Variants in UBTF observed in about 807,000 individuals in gnomAD.
UBTF encodes nucleolar transcription factor 1.
UBTF carries 8 observed loss-of-function variants against 112.3 expected under a neutral mutation model. That is an observed-to-expected ratio of 0.07 (90% CI 0.04 to 0.13). The LOEUF (loss-of-function observed/expected upper bound fraction) is 0.13, where lower values mean the gene tolerates loss of function less well. Ranked by LOEUF, UBTF falls within the 10% of genes least tolerant of loss-of-function variation. The pLI is 1.00. For synonymous variants in UBTF, 417 were observed against 373.1 expected (o/e 1.12, Z -1.36); for missense variants, 457 against 982.1 (o/e 0.47, Z 7.15).
At chr17:44,216,026 A>G in intron 3 of UBTF, 37 bp from the exon 4 acceptor site, 2 of 1,556,780 alleles carry the variant, frequency 1.3e-6, no homozygotes, top group Non-Finnish European at 1.8e-6. Context: ...GGAAGTTGGG[A>G]AAAGGAAAAT....
In UBTF at chr17:44,211,751, T is replaced by A. The variant is rs933765136; in HGVS notation, c.906-4A>T. ...GCAGTACAGCGAGTAGCTGTTCCTA[T>A]CAGAGCCGCGGGGAGAGAGGTGCAG... is the stretch of plus-strand genomic sequence containing the variant. On this transcript the variant is annotated splice_polypyrimidine_tract_variant and splice_region_variant and intron_variant, in intron 9 of 20. Coordinates refer to ENST00000436088, the MANE Select transcript of UBTF (RefSeq NM_014233.4). This position sits in a 1 kb window ranked among gnomAD's most constrained non-coding sequence, Gnocchi z 4.9. 1 of 1,604,980 alleles carries A rather than the reference T, an allele frequency of 6.2e-7. No homozygotes were observed. Among genetic ancestry groups the A allele is most frequent in the Non-Finnish European group, 8.5e-7 (1 of 1,178,534 alleles).
At position 44,211,391 on chromosome 17, in the gene UBTF, T is replaced by A. The variant is rs1179461082; in HGVS notation, c.1048-60A>T. On this transcript the variant is annotated intron_variant, in intron 10 of 20. Coordinates refer to ENST00000436088, the MANE Select transcript of UBTF (RefSeq NM_014233.4). The surrounding 1 kb of genome is among the most constrained non-coding windows in gnomAD (Gnocchi z 4.9). ...GACAGTGTCACCACAGACCCTGCAG[T>A]ACTCGGAGGACAGTGACCTTCAGCG... 1.2e-6 allele frequency: 2 copies of A among 1,604,514 alleles called. No individual in the cohort carries two copies. Among genetic ancestry groups the A allele is most frequent in the Non-Finnish European group, 1.7e-6 (2 of 1,173,114 alleles).
chr17:44,219,208 C>A (rs2047032818), intron 1 of UBTF: 1 of 151,284 alleles, frequency 6.6e-6, no homozygotes, highest in African/African-American at 2.4e-5. Flanking sequence ...GAGAACTGCG[C>A]CTGCCGGCTC....
In UBTF at chr17:44,207,497, G is replaced by T. The variant is rs765531161; in HGVS notation, c.2126C>A (p.Ser709Tyr). 4 of 1,613,938 alleles carry T rather than the reference G, an allele frequency of 2.5e-6. No homozygotes were observed. In the Admixed American group the frequency reaches 6.7e-5, roughly 27 times the overall value. ...CTCGTCCTCGCTGCTGGACTCAGAG[G>T]AGTCGCCGCCATCTTCAGAGGAGTC... ...NGDSSEDGGDSSESSSEDESE... is the reference protein window; with the variant it reads ...NGDSSEDGGDYSESSSEDESE... Residue 709 changes from serine (S) to tyrosine (Y), a missense_variant, in exon 20 of 21, where the codon TCC becomes TAC. Ser to Tyr is a moderately radical substitution (Grantham distance 144, BLOSUM62 -2). Transcript: ENST00000436088.
At chr17:44,208,023 T>A (rs2056379752) in intron 17 of UBTF, 112 bp from the exon 18 acceptor site, 13 of 1,362,106 alleles carry the variant, frequency 9.5e-6, no homozygotes, top group Non-Finnish European at 1.3e-5. Flanking sequence ...CACCCCATCT[T>A]ACCCCTCCCA....
chr17:44,218,200 G>A lies in UBTF; in HGVS notation c.30C>T (p.Asp10=). The stretch of plus-strand genomic sequence containing the variant: ...GGCCTTTGGGGGCGGCCATTTCCAG[G>A]TCTGTGGGGCAGTCGGCTTCTCCGT... The part of the protein sequence containing the change: MNGEADCPT[D]LEMAAPKGQD... The change falls in exon 2 of 21, where the codon GAC becomes GAT. Residue 10 remains aspartate (D), a synonymous_variant. Coordinates refer to ENST00000436088, the MANE Select transcript of UBTF (RefSeq NM_014233.4). The A allele has an allele frequency of 1.9e-6, 3 of 1,612,652 alleles. No individual in the cohort carries two copies. Among genetic ancestry groups the A allele is most frequent in the East Asian group, 2.2e-5 (1 of 44,826 alleles).
rs1416981228 is a variant in UBTF, at chr17:44,218,256, G to A, written c.-27C>T. 4 of 1,611,146 alleles carry A rather than the reference G, an allele frequency of 2.5e-6. No individual in the cohort carries two copies. The highest frequency in any genetic ancestry group is 1.1e-5 in the South Asian group (1 of 90,996). Reference sequence around the variant, plus strand: ...CTCCAGCTGTCCAGCCACCTCCTCGGTCGTGCTGGCCGGGCAACCCGGGGT... The same window carrying A: ...CTCCAGCTGTCCAGCCACCTCCTCGATCGTGCTGGCCGGGCAACCCGGGGT... On this transcript the variant is annotated 5_prime_UTR_variant, in exon 2 of 21. Transcript: ENST00000436088.
intron 5 of UBTF, among the ~76,000 whole-genome samples, chr17:44,214,261 A>G (rs566239870): frequency 6.6e-6 from 1 of 152,334 alleles, no homozygotes; most frequent in East Asian, 1.9e-4. Flanking sequence ...ACAGAAAACC[A>G]GAAGCAGAGC....
rs924357379 is a variant in UBTF, at chr17:44,205,278, C to T, written c.*1964G>A. 2 of 152,618 alleles carry T rather than the reference C, an allele frequency of 1.3e-5. No homozygotes were observed. The highest frequency in any genetic ancestry group is 1.3e-4 in the Admixed American group (2 of 15,278). 9.5% of individuals were successfully genotyped at this position (152,618 alleles called of 1,614,324 possible). A position where few individuals can be genotyped will look rare whatever the true frequency, so the allele number is the denominator to read the frequency against. On this transcript the variant is annotated 3_prime_UTR_variant, in exon 21 of 21. Coordinates refer to ENST00000436088, the MANE Select transcript of UBTF (RefSeq NM_014233.4). ...GTGCCAAAATGCACTCAAGAGTGAC[C>T]TCTTACAGCACCAACACCCCCACCC...
rs1598203903 is a variant in UBTF, at chr17:44,205,158, T to G, written c.*2084A>C. ...CCTCCCATGATACAAATTCAAGTTG[T>G]GGTGGTTGTTGAATCCTACAAAACA... On this transcript the variant is annotated 3_prime_UTR_variant, in exon 21 of 21. Coordinates refer to ENST00000436088, the MANE Select transcript of UBTF (RefSeq NM_014233.4). 1 of 152,620 alleles carries G rather than the reference T, an allele frequency of 6.6e-6. No individual in the cohort carries two copies. The highest frequency in any genetic ancestry group is 1.5e-5 in the Non-Finnish European group (1 of 68,044). 9.5% of individuals were successfully genotyped at this position (152,620 alleles called of 1,614,324 possible). A position where few individuals can be genotyped will look rare whatever the true frequency, so the allele number is the denominator to read the frequency against.
At chr17:44,208,808 A>C (rs1239988575) in intron 17 of UBTF, 4 of 253,354 alleles carry the variant, frequency 1.6e-5, no homozygotes, top group African/African-American at 2.4e-5. Context: ...AGGAAAAGGC[A>C]GTCTGATTTG....
At chr17:44,208,747 G>A (rs1222277927) in intron 17 of UBTF, 1 of 186,826 alleles carries the variant, frequency 5.4e-6, no homozygotes, top group African/African-American at 2.4e-5. Context: ...GCACAGAGGG[G>A]AAGCACAAAG....
chr17:44,208,909 G>A (rs915153981), intron 17 of UBTF: 15 of 359,392 alleles, frequency 4.2e-5, no homozygotes, highest in African/African-American at 2.2e-5. Flanking sequence ...TAGTGGCTGC[G>A]GACGGTGGCT....
intron 5 of UBTF, among the ~76,000 whole-genome samples, chr17:44,213,656 C>T (rs1466728169): frequency 5.3e-5 from 8 of 152,204 alleles, no homozygotes; most frequent in Non-Finnish European, 1.2e-4. Context: ...GGGTGCAGGC[C>T]TTGCTCCTGT....
At chr17:44,210,060 C>G (rs867095076) in intron 15 of UBTF, 64 bp downstream of exon 15, 26 of 1,545,218 alleles carry the variant, frequency 1.7e-5, no homozygotes, top group Non-Finnish European at 2.2e-5. Flanking sequence ...TTGCTCAGAG[C>G]TGCCCAACCA....
rs984522296 is a variant in UBTF at position 44,207,251 on chromosome 17, G to C, written c.2286C>G (p.Asp762Glu). The C allele has an allele frequency of 4.3e-6, 7 of 1,613,512 alleles. No homozygotes were observed. Among genetic ancestry groups the C allele is most frequent in the Non-Finnish European group, 5.9e-6 (7 of 1,179,880 alleles). Residue 762 changes from aspartate (D) to glutamate (E), a missense_variant, in exon 21 of 21, where the codon GAC becomes GAG. By Grantham distance (45) the Asp-to-Glu change is conservative. Transcript: ENST00000436088. ...GGGGTGGGGCTGAGCCTCAGTTGGA[G>C]TCAGAGTCTGAGGAGTCCCCTGAGG... ...SSSSGDSSDSDSN is the reference protein window; with the variant it reads ...SSSSGDSSDSESN
Position 44,207,696 on chromosome 17 carries a change from T to C in UBTF, c.2025+3A>G. ...GCCCCTGCATCTGGGAGGGGCTCCTTACCGACTTGGACTGCAGAGTAGTCC... is the reference window on the plus strand; with the variant it reads ...GCCCCTGCATCTGGGAGGGGCTCCTCACCGACTTGGACTGCAGAGTAGTCC... On this transcript the variant is annotated splice_donor_region_variant and intron_variant, in intron 19 of 20. Transcript: ENST00000436088. 2 of 1,614,184 alleles carry C rather than the reference T, an allele frequency of 1.2e-6. No individual in the cohort carries two copies. The highest frequency in any genetic ancestry group is 1.7e-6 in the Non-Finnish European group (2 of 1,180,020).
upstream of UBTF, among the ~76,000 whole-genome samples, chr17:44,220,496 T>TA (rs2047132184): frequency 7.9e-6 from 1 of 126,112 alleles, no homozygotes; most frequent in South Asian, 2.2e-4. Flanking sequence ...GAACGGCACA[T>TA]ACGAAACTTA....
rs752566037 is a variant in UBTF, at chr17:44,211,365, A to C, written c.1048-34T>G. 7 of 1,612,848 alleles carry C rather than the reference A, an allele frequency of 4.3e-6. No individual in the cohort carries two copies. The highest frequency in any genetic ancestry group is 5.9e-6 in the Non-Finnish European group (7 of 1,179,366). On this transcript the variant is annotated intron_variant, in intron 10 of 20. Transcript: ENST00000436088. This position sits in a 1 kb window ranked among gnomAD's most constrained non-coding sequence, Gnocchi z 4.9. ...GTGAGTGGAGTCAGGATCAGTCTGG[A>C]GACAGTGTCACCACAGACCCTGCAG... is the stretch of plus-strand genomic sequence containing the variant.
Sources: gnomAD v4.1 joint callset for allele counts (sites outside exome capture counted in the v4.1 genomes callset) on GRCh38, gnomAD v4.1.1 for gene constraint, Gnocchi (gnomAD v3.1) non-coding constraint, MANE v1.5 for transcripts, NCBI Gene and HGNC (gene_info 2026-07-23, HGNC 2026-07-21) for gene names.